BTRC: variants seen among roughly 807,000 people sequenced by gnomAD.
BTRC encodes the protein beta-transducin repeat containing E3 ubiquitin protein ligase.
A neutral mutation model predicts 85.5 loss-of-function variants in BTRC; 42 were observed. The observed-to-expected ratio is 0.49, with a 90% CI of 0.38 to 0.64. The LOEUF (loss-of-function observed/expected upper bound fraction) is 0.64, where lower values mean the gene tolerates loss of function less well. BTRC is among the 30% of genes least tolerant of loss of function. BTRC has a pLI of 0.00. For missense variants in BTRC, 594 were observed against 743.5 expected (o/e 0.80, Z 2.34); for synonymous variants, 255 against 263.3 (o/e 0.97, Z 0.30).
chr10:101,455,591 G>T (rs1224831212), intron 2 of BTRC, among the ~76,000 whole-genome samples: 1 of 152,108 alleles, frequency 6.6e-6, no homozygotes, highest in East Asian at 1.9e-4. Context: ...TCTTGAATCA[G>T]GATTTTTAGT....
At chr10:101,365,350 GGCGTGAGCCACC>G (rs1232771346) in intron 1 of BTRC, among the ~76,000 whole-genome samples, 8 of 150,236 alleles carry the variant, frequency 5.3e-5, no homozygotes, top group African/African-American at 2.0e-4. Context: ...TGGGATTACT[GGCGTGAGCCACC>G]GCGCTTGGCC....
chr10:101,532,789 TGC>T (rs1554895662), intron 8 of BTRC, among the ~76,000 whole-genome samples, 161 bp from the exon 9 acceptor site: 3 of 78,222 alleles, frequency 3.8e-5, no homozygotes, highest in South Asian at 5.2e-4. Context: ...TGTGTGTGTG[TGC>T]GCGTGTGCGC....
chr10:101,465,583 A>G (rs1457470663), intron 3 of BTRC, among the ~76,000 whole-genome samples: 3 of 152,214 alleles, frequency 2.0e-5, no homozygotes, highest in Admixed American at 2.0e-4. Flanking sequence ...GAATTCAACA[A>G]ATATTTAAGG....
chr10:101,492,387 A>T (rs1946156415), intron 4 of BTRC, among the ~76,000 whole-genome samples: 1 of 152,192 alleles, frequency 6.6e-6, no homozygotes, highest in Non-Finnish European at 1.5e-5. Context: ...AGGGGGTATA[A>T]TACTGTAAAT....
At chr10:101,544,199 G>A (rs1361069672) in intron 13 of BTRC, among the ~76,000 whole-genome samples, 1 of 152,116 alleles carries the variant, frequency 6.6e-6, no homozygotes, top group East Asian at 1.9e-4. Flanking sequence ...ATGAGCCACC[G>A]CAGCTGGCCT....
chr10:101,415,516 G>T (rs368563308), intron 1 of BTRC, among the ~76,000 whole-genome samples: 10,642 of 15,738 alleles, frequency 0.68, 3,963 homozygotes, highest in African/African-American at 0.75. Flanking sequence ...GTTATGTTAT[G>T]TTATGTTATG....
chr10:101,517,499 A>G (rs1435842600), intron 4 of BTRC, among the ~76,000 whole-genome samples: 1 of 152,220 alleles, frequency 6.6e-6, no homozygotes, highest in East Asian at 1.9e-4. Context: ...AATGTGGTAC[A>G]GTTTTATAGC....
At chr10:101,426,922 G>A (rs954224775) in intron 1 of BTRC, among the ~76,000 whole-genome samples, 8 of 151,910 alleles carry the variant, frequency 5.3e-5, no homozygotes, top group Non-Finnish European at 1.2e-4. Flanking sequence ...GTGCCTCCTC[G>A]ATTTTCTTCC....
At chr10:101,405,460 A>G (rs887245043) in intron 1 of BTRC, among the ~76,000 whole-genome samples, 5 of 151,848 alleles carry the variant, frequency 3.3e-5, no homozygotes, top group Non-Finnish European at 5.9e-5. Flanking sequence ...GTGTTACGAT[A>G]CTCCTTCTGC....
intron 13 of BTRC, among the ~76,000 whole-genome samples, chr10:101,547,429 C>T (rs1465498155): frequency 6.7e-6 from 1 of 149,166 alleles, no homozygotes; most frequent in Non-Finnish European, 1.5e-5. Flanking sequence ...CAACCTCCAC[C>T]TCCTGGGTGC....
At chr10:101,502,364 G>A (rs534982724) in intron 4 of BTRC, among the ~76,000 whole-genome samples, 1 of 151,508 alleles carries the variant, frequency 6.6e-6, no homozygotes, top group South Asian at 2.1e-4. Context: ...GGAAAACATT[G>A]TAGCAATAGC....
rs1292096196 is a variant in BTRC at position 101,358,674 on chromosome 10, TC to T, written c.48+4448del. 2.6e-5 allele frequency among the ~76,000 whole-genome samples: 4 copies of T among 152,296 alleles called. No homozygotes were observed. In the East Asian group the frequency reaches 7.7e-4, roughly 29 times the overall value. The stretch of plus-strand genomic sequence containing the variant: ...GAGGTGTGGGAAAGACCTTCACTTC[TC>T]CTCTATATGGGCCTTTCTCTACCTG... On this transcript the variant is annotated intron_variant, in intron 1 of 14. Transcript: ENST00000370187.
chr10:101,396,123 C>T (rs943344773), intron 1 of BTRC, among the ~76,000 whole-genome samples: 6 of 151,062 alleles, frequency 4.0e-5, no homozygotes, highest in African/African-American at 9.8e-5. Flanking sequence ...TCTGTTATAG[C>T]GAATACTGGT....
At position 101,493,608 on chromosome 10, in the gene BTRC, A is replaced by G. The variant is rs17767124; in HGVS notation, c.324+14151A>G. Among the ~76,000 whole-genome samples, 1,361 of 152,368 alleles carry G rather than the reference A, an allele frequency of 8.9e-3. 13 individuals carry two copies. The highest frequency in any genetic ancestry group is 0.021 in the Admixed American group (320 of 15,302). ...ATTGAATGTTAACAATTTACTAACA[A>G]CTAGCCAGGATTTGGAAATCGCAGA... On this transcript the variant is annotated intron_variant, in intron 4 of 14. Transcript: ENST00000370187.
chr10:101,533,593 A>G (rs2062334636), intron 9 of BTRC, among the ~76,000 whole-genome samples: 1 of 152,148 alleles, frequency 6.6e-6, no homozygotes, highest in African/African-American at 2.4e-5. Flanking sequence ...ATACTGCTGG[A>G]GTCCAGGATA....
intron 1 of BTRC, among the ~76,000 whole-genome samples, chr10:101,376,767 C>T (rs571493017): frequency 6.6e-6 from 1 of 152,166 alleles, no homozygotes; most frequent in East Asian, 1.9e-4. Flanking sequence ...CTTTGTAGGT[C>T]ATAGGGTAAG....
intron 2 of BTRC, among the ~76,000 whole-genome samples, chr10:101,456,466 G>A (rs1945086794): frequency 6.6e-6 from 1 of 152,140 alleles, no homozygotes; most frequent in Non-Finnish European, 1.5e-5. Flanking sequence ...AGAAAAGTTG[G>A]GAGGAAAAGA....
intron 1 of BTRC, among the ~76,000 whole-genome samples, chr10:101,367,161 C>T (rs139034306): frequency 0.065 from 9,363 of 143,120 alleles, 329 homozygotes; most frequent in Non-Finnish European, 0.074. Flanking sequence ...TCGTCTGCCT[C>T]CCAGGTTCAA....
chr10:101,426,361 A>T (rs1944251910), intron 1 of BTRC, among the ~76,000 whole-genome samples: 1 of 152,218 alleles, frequency 6.6e-6, no homozygotes, highest in South Asian at 2.1e-4. Flanking sequence ...TATAGTTTTC[A>T]TACCCATACC....
Sources: allele counts gnomAD v4.1 joint callset (sites outside exome capture counted in the v4.1 genomes callset), GRCh38; gene constraint gnomAD v4.1.1; transcripts MANE v1.5; gene names NCBI Gene and HGNC (gene_info 2026-07-23, HGNC 2026-07-21).